Variants in DOCK8 observed in about 807,000 individuals in gnomAD.
DOCK8 encodes the protein dedicator of cytokinesis protein 8.
Under a neutral mutation model 245.6 loss-of-function variants are expected in DOCK8, and 141 were observed. The ratio of observed to expected loss-of-function variants is 0.57; its 90% CI spans 0.50 to 0.66. DOCK8 has a LOEUF of 0.66. Ranked by LOEUF, DOCK8 falls within the 30% of genes least tolerant of loss-of-function variation. DOCK8 has a pLI of 0.00. For missense variants in DOCK8, 2,965 were observed against 2,603.4 expected (o/e 1.14, Z -3.02); for synonymous variants, 1,168 against 970.2 (o/e 1.20, Z -3.79).
chr9:463,731 C>G (rs750512508), intron 47 of DOCK8, 44 bp downstream of exon 47: 1 of 1,610,098 alleles, frequency 6.2e-7, no homozygotes, highest in South Asian at 1.1e-5. Context: ...GGATAAAGAG[C>G]AGCGCATGGG....
intron 14 of DOCK8, among the ~76,000 whole-genome samples, chr9:341,908 A>G (rs1250404883): frequency 6.6e-6 from 1 of 152,192 alleles, no homozygotes; most frequent in Non-Finnish European, 1.5e-5. Flanking sequence ...CCTATTGTGA[A>G]CTGCATATAT....
intron 1 of DOCK8, among the ~76,000 whole-genome samples, chr9:238,849 G>T (rs558364220): frequency 2.6e-5 from 4 of 152,182 alleles, no homozygotes; most frequent in Non-Finnish European, 5.9e-5. Flanking sequence ...AGTTATTCCA[G>T]TTCGGGGTCG....
At chr9:261,481 A>G (rs958376476) in intron 1 of DOCK8, among the ~76,000 whole-genome samples, 1 of 152,200 alleles carries the variant, frequency 6.6e-6, no homozygotes, top group Non-Finnish European at 1.5e-5. Flanking sequence ...GCTACTCTAT[A>G]TGATTTCTGG....
intron 22 of DOCK8, 145 bp downstream of exon 22, chr9:382,830 T>G: frequency 9.0e-7 from 1 of 1,112,664 alleles, no homozygotes; most frequent in Non-Finnish European, 1.3e-6. Context: ...GTGATTAACG[T>G]TCTTTAGAAC....
intron 1 of DOCK8, among the ~76,000 whole-genome samples, chr9:229,801 C>T (rs2047067286): frequency 1.3e-5 from 2 of 152,068 alleles, no homozygotes; most frequent in Admixed American, 6.6e-5. Context: ...ATTAGGATTG[C>T]TTTTAGCTGC....
chr9:322,606 C>G (rs1423161565), intron 7 of DOCK8, among the ~76,000 whole-genome samples: 1 of 152,240 alleles, frequency 6.6e-6, no homozygotes, highest in African/African-American at 2.4e-5. Context: ...GTGGAAAGCA[C>G]TTATTATAAC....
intron 28 of DOCK8, among the ~76,000 whole-genome samples, chr9:411,242 G>A (rs1173337157): frequency 3.3e-5 from 5 of 151,950 alleles, no homozygotes; most frequent in South Asian, 2.1e-4. Context: ...ATGAAACCCC[G>A]TCTCTACTAA....
intron 30 of DOCK8, among the ~76,000 whole-genome samples, chr9:418,614 G>A (rs1489633139): frequency 6.6e-6 from 1 of 152,186 alleles, no homozygotes; most frequent in African/African-American, 2.4e-5. Context: ...AGCAGGCATT[G>A]ATTATTTCCG....
chr9:273,406 A>C (rs2048220550), intron 2 of DOCK8, among the ~76,000 whole-genome samples: 1 of 152,214 alleles, frequency 6.6e-6, no homozygotes, highest in African/African-American at 2.4e-5. Context: ...TATTGGTTTA[A>C]TTTGTGCTAA....
chr9:298,720 A>G (rs890151647), intron 4 of DOCK8, among the ~76,000 whole-genome samples: 1 of 152,106 alleles, frequency 6.6e-6, no homozygotes, highest in East Asian at 1.9e-4. Context: ...ATTTTATTAT[A>G]ACACAAAAAG....
chr9:445,993 G>A (rs2057241899), intron 43 of DOCK8, among the ~76,000 whole-genome samples: 1 of 152,134 alleles, frequency 6.6e-6, no homozygotes, highest in Admixed American at 6.5e-5. Context: ...TCTTTAGTTC[G>A]GCCATTCATG....
intron 33 of DOCK8, among the ~76,000 whole-genome samples, chr9:425,459 GAA>G: frequency 6.7e-6 from 1 of 150,096 alleles, no homozygotes; most frequent in Non-Finnish European, 1.5e-5. Context: ...GTGAACCCGG[GAA>G]GTGGAGCTTG....
intron 1 of DOCK8, among the ~76,000 whole-genome samples, chr9:248,446 C>CTT (rs1409902423): frequency 2.1e-5 from 3 of 144,732 alleles, no homozygotes; most frequent in South Asian, 2.2e-4. Context: ...CTGTCTTTCC[C>CTT]CTCCTTCCTT....
At position 243,853 on chromosome 9, in the gene DOCK8, A is replaced by G. The variant is rs74752249; in HGVS notation, c.54-27774A>G. Among the ~76,000 whole-genome samples the G allele has an allele frequency of 3.9e-3, 590 of 152,100 alleles. 3 individuals carry two copies. Among genetic ancestry groups the G allele is most frequent in the African/African-American group, 0.014 (575 of 41,484 alleles). ...TCATCGGCATCCTCAAAGACAATCCATGGTGCCTACTACTCCTCATCTTAT... is the reference window on the plus strand; with the variant it reads ...TCATCGGCATCCTCAAAGACAATCCGTGGTGCCTACTACTCCTCATCTTAT... On this transcript the variant is annotated intron_variant, in intron 1 of 47. Transcript: ENST00000432829.
intron 7 of DOCK8, among the ~76,000 whole-genome samples, chr9:319,995 A>G (rs1369250567): frequency 6.6e-6 from 1 of 152,202 alleles, no homozygotes; most frequent in Non-Finnish European, 1.5e-5. Flanking sequence ...CCCTCAAGAG[A>G]TTCTGGTTGA....
intron 3 of DOCK8, among the ~76,000 whole-genome samples, 191 bp downstream of exon 3, chr9:286,827 T>A (rs1014199632): frequency 2.0e-5 from 3 of 152,138 alleles, no homozygotes; most frequent in Non-Finnish European, 4.4e-5. Flanking sequence ...GGCCAGAGAT[T>A]TTGAAAAGCT....
At position 311,959 on chromosome 9, in the gene DOCK8, C is replaced by T; in HGVS notation, c.534C>T (p.Gly178=). The change falls in exon 6 of 48, where the codon GGC becomes GGT. Residue 178 remains glycine, a synonymous_variant. Transcript: ENST00000432829. ...CCCACTGTTTTCTCTCACAGGCAGGCCCCCGCCACTTAAACGTGCTGTGCG... is the reference window on the plus strand; with the variant it reads ...CCCACTGTTTTCTCTCACAGGCAGGTCCCCGCCACTTAAACGTGCTGTGCG... ...LECSEPAAQA[G]PRHLNVLCDV... 2 of 1,613,630 alleles carry T rather than the reference C, an allele frequency of 1.2e-6. No homozygotes were observed. The highest frequency in any genetic ancestry group is 1.7e-4 in the Middle Eastern group (1 of 6,060).
chr9:434,061 G>A, intron 38 of DOCK8, 86 bp downstream of exon 38: 1 of 939,026 alleles, frequency 1.1e-6, no homozygotes, highest in Non-Finnish European at 1.8e-6. Flanking sequence ...AATGATCACA[G>A]CTAACATGGA....
intron 12 of DOCK8, among the ~76,000 whole-genome samples, chr9:337,881 C>T (rs144876168): frequency 1.6e-4 from 24 of 152,236 alleles, no homozygotes; most frequent in African/African-American, 4.8e-4. Context: ...ATGGGCCGGG[C>T]GCAGTGGCTC....
Sources: gnomAD v4.1 joint callset for allele counts (sites outside exome capture counted in the v4.1 genomes callset) on GRCh38, gnomAD v4.1.1 for gene constraint, MANE v1.5 for transcripts, NCBI Gene and HGNC (gene_info 2026-07-23, HGNC 2026-07-21) for gene names.